Variants in LRFN5 observed in about 807,000 individuals in gnomAD.
The protein encoded by LRFN5 is leucine-rich repeat and fibronectin type-III domain-containing protein 5.
A neutral mutation model predicts 45.6 loss-of-function variants in LRFN5; 24 were observed. That is an observed-to-expected ratio of 0.53 (90% CI 0.38 to 0.74). LRFN5 has a LOEUF of 0.74. LRFN5 is among the 30% of genes least tolerant of loss of function. LRFN5 has a pLI of 0.00. For synonymous variants in LRFN5, 340 were observed against 313.8 expected, an observed-to-expected ratio of 1.08 and a Z score of -0.88; for missense variants, 776 against 861.5, an observed-to-expected ratio of 0.90 and a Z score of 1.24.
intron 1 of LRFN5, among the ~76,000 whole-genome samples, chr14:41,676,547 G>C (rs1881636055): frequency 6.6e-6 from 1 of 152,122 alleles, no homozygotes; most frequent in South Asian, 2.1e-4. Flanking sequence ...ATGGTGGTGA[G>C]AACCAGGGAA....
intron 2 of LRFN5, among the ~76,000 whole-genome samples, chr14:41,877,397 T>G (rs28555512): frequency 1.5e-4 from 23 of 152,234 alleles, no homozygotes; most frequent in African/African-American, 4.8e-4. Flanking sequence ...ATATTGCATA[T>G]CTACAAGTTA....
chr14:41,772,914 C>T (rs1305523640), intron 2 of LRFN5, among the ~76,000 whole-genome samples: 1 of 152,128 alleles, frequency 6.6e-6, no homozygotes, highest in Non-Finnish European at 1.5e-5. Context: ...CTATCATTAT[C>T]CTAATCTTTA....
At chr14:41,759,488 CACACACACACAGAG>C (rs1272705477) in intron 1 of LRFN5, among the ~76,000 whole-genome samples, 3 of 73,322 alleles carry the variant, frequency 4.1e-5, no homozygotes, top group African/African-American at 1.9e-4. Flanking sequence ...CACACACACA[CACACACACACAGAG>C]AGAGCACCAG....
At chr14:41,879,322 T>G (rs982948524) in intron 2 of LRFN5, among the ~76,000 whole-genome samples, 1 of 151,968 alleles carries the variant, frequency 6.6e-6, no homozygotes, top group Non-Finnish European at 1.5e-5. Context: ...GGAGCAAATA[T>G]TTAGAAACAT....
intron 2 of LRFN5, among the ~76,000 whole-genome samples, chr14:41,843,257 A>C (rs1888929078): frequency 6.6e-6 from 1 of 151,630 alleles, no homozygotes; most frequent in Non-Finnish European, 1.5e-5. Flanking sequence ...ATGCCCAGCT[A>C]TATTCTAAAT....
At chr14:41,680,175 G>A (rs1881821546) in intron 1 of LRFN5, among the ~76,000 whole-genome samples, 1 of 152,132 alleles carries the variant, frequency 6.6e-6, no homozygotes, top group South Asian at 2.1e-4. Context: ...GACCTGCCTG[G>A]GACCAAAGGG....
chr14:41,749,383 T>A (rs927140578), intron 1 of LRFN5, among the ~76,000 whole-genome samples: 2 of 152,186 alleles, frequency 1.3e-5, no homozygotes, highest in African/African-American at 4.8e-5. Flanking sequence ...AACCAAAGGA[T>A]GTCATAGACA....
At chr14:41,657,227 T>G (rs1880420320) in intron 1 of LRFN5, among the ~76,000 whole-genome samples, 1 of 151,990 alleles carries the variant, frequency 6.6e-6, no homozygotes, top group African/African-American at 2.4e-5. Context: ...AAAGTTGATA[T>G]TTCAGCTTTT....
At chr14:41,751,561 A>G (rs1012894137) in intron 1 of LRFN5, among the ~76,000 whole-genome samples, 5 of 152,084 alleles carry the variant, frequency 3.3e-5, no homozygotes, top group Admixed American at 2.0e-4. Context: ...CACTGGTGAT[A>G]CATACAATGT....
chr14:41,680,869 TA>T (rs1032700355), intron 1 of LRFN5, among the ~76,000 whole-genome samples: 1 of 151,410 alleles, frequency 6.6e-6, no homozygotes, highest in Non-Finnish European at 1.5e-5. Context: ...AAATTTAAGT[TA>T]AAAAAAAGAA....
At chr14:41,650,209 C>A (rs1880028652) in intron 1 of LRFN5, among the ~76,000 whole-genome samples, 3 of 142,150 alleles carry the variant, frequency 2.1e-5, no homozygotes, top group Non-Finnish European at 4.5e-5. Flanking sequence ...GCCTGGCCAA[C>A]ATAGTGAAAC....
chr14:41,734,386 G>T (rs1365583447), intron 1 of LRFN5, among the ~76,000 whole-genome samples: 1 of 104,912 alleles, frequency 9.5e-6, no homozygotes, highest in Admixed American at 1.2e-4. Context: ...ACCTTTTATT[G>T]TTTTATAATG....
chr14:41,876,432 C>T (rs1384410947), intron 2 of LRFN5, among the ~76,000 whole-genome samples: 2 of 147,848 alleles, frequency 1.4e-5, no homozygotes, highest in African/African-American at 5.0e-5. Flanking sequence ...AGGTGCCCAC[C>T]ACCATGCCTG....
chr14:41,894,692 G>A (rs1365283817), intron 4 of LRFN5: 19 of 985,144 alleles, frequency 1.9e-5, no homozygotes, highest in African/African-American at 5.2e-5. Context: ...CTATCATGAT[G>A]TCTGAAACAT....
At chr14:41,647,440 A>G (rs185633992) in intron 1 of LRFN5, among the ~76,000 whole-genome samples, 6 of 152,286 alleles carry the variant, frequency 3.9e-5, no homozygotes, top group Admixed American at 3.9e-4. Flanking sequence ...GATGGATAGC[A>G]GTACGTAGTA....
chr14:41,795,275 C>T (rs944781452), intron 2 of LRFN5, among the ~76,000 whole-genome samples: 1 of 151,986 alleles, frequency 6.6e-6, no homozygotes, highest in African/African-American at 2.4e-5. Context: ...AGTCAGGAAA[C>T]AATAGGTGCT....
chr14:41,861,233 T>C (rs557267100), intron 2 of LRFN5, among the ~76,000 whole-genome samples: 39 of 152,334 alleles, frequency 2.6e-4, no homozygotes, highest in Non-Finnish European at 3.8e-4. Context: ...AACATTGACT[T>C]ATGCCTGAAT....
chr14:41,614,907 G>A (rs746889492), intron 1 of LRFN5, among the ~76,000 whole-genome samples: 12 of 151,906 alleles, frequency 7.9e-5, no homozygotes, highest in Non-Finnish European at 1.6e-4. Context: ...GGTAATAATC[G>A]TATGGCTTCA....
chr14:41,848,212 A>G (rs1222243653), intron 2 of LRFN5, among the ~76,000 whole-genome samples: 1 of 152,148 alleles, frequency 6.6e-6, no homozygotes, highest in Non-Finnish European at 1.5e-5. Flanking sequence ...GGGTATTCAC[A>G]TCACGCAAAA....
Sources: gnomAD v4.1 joint callset for allele counts (sites outside exome capture counted in the v4.1 genomes callset) on GRCh38, gnomAD v4.1.1 for gene constraint, MANE v1.5 for transcripts, NCBI Gene and HGNC (gene_info 2026-07-23, HGNC 2026-07-21) for gene names.